Variants in POFUT3 observed in about 807,000 individuals in gnomAD.
POFUT3 encodes the protein protein O-fucosyltransferase 3, also known as GDP-fucose protein O-fucosyltransferase 3.
At chr8:33,438,914 A>G in the POFUT3 span, among the ~76,000 whole-genome samples, 1 of 152,096 alleles carries the variant, frequency 6.6e-6, no homozygotes, top group East Asian at 1.9e-4. Flanking sequence ...ATTATCTCCC[A>G]CTGGGTCTTT....
At chr8:33,436,120 G>A in the POFUT3 span, 1 of 1,204,920 alleles carries the variant, frequency 8.3e-7, no homozygotes, top group Non-Finnish European at 1.1e-6. Context: ...GGCAGGAGAG[G>A]AAAGGAAAGG....
At chr8:33,440,986 T>G in the POFUT3 span, among the ~76,000 whole-genome samples, 1 of 152,106 alleles carries the variant, frequency 6.6e-6, no homozygotes, top group Non-Finnish European at 1.5e-5. Flanking sequence ...ACAATCTAGA[T>G]AAGGTATATC....
At chr8:33,320,335 G>C in the POFUT3 span, among the ~76,000 whole-genome samples, 1 of 151,918 alleles carries the variant, frequency 6.6e-6, no homozygotes, top group Non-Finnish European at 1.5e-5. Context: ...CCAATAATTT[G>C]CAACTAGCCT....
At chr8:33,409,004 G>A in the POFUT3 span, among the ~76,000 whole-genome samples, 1 of 152,148 alleles carries the variant, frequency 6.6e-6, no homozygotes, top group African/African-American at 2.4e-5. Context: ...AAAGATTCAG[G>A]ACAGATTAAG....
At chr8:33,342,265 G>A in the POFUT3 span, among the ~76,000 whole-genome samples, 2 of 152,122 alleles carry the variant, frequency 1.3e-5, no homozygotes, top group Admixed American at 1.3e-4. Context: ...GCTGAGGCAG[G>A]AGGATCACTC....
the POFUT3 span, among the ~76,000 whole-genome samples, chr8:33,438,982 C>A: frequency 1.9e-4 from 29 of 152,138 alleles, no homozygotes; most frequent in Non-Finnish European, 3.4e-4. Flanking sequence ...GGTGGAGACA[C>A]AGTCAAACCA....
the POFUT3 span, among the ~76,000 whole-genome samples, chr8:33,381,357 C>T: frequency 2.0e-5 from 3 of 152,118 alleles, no homozygotes; most frequent in African/African-American, 7.2e-5. Context: ...TATACTTTAT[C>T]ATTCTAACTT....
At chr8:33,308,391 A>C in the POFUT3 span, among the ~76,000 whole-genome samples, 7 of 152,204 alleles carry the variant, frequency 4.6e-5, no homozygotes, top group African/African-American at 1.7e-4. Context: ...GCTAATGGTA[A>C]GAATGCAGTC....
the POFUT3 span, among the ~76,000 whole-genome samples, chr8:33,364,067 C>T: frequency 6.6e-6 from 1 of 152,148 alleles, no homozygotes. Context: ...AAAAGCTTAT[C>T]CACCATGATC....
the POFUT3 span, among the ~76,000 whole-genome samples, chr8:33,386,858 G>A: frequency 1.3e-5 from 2 of 152,260 alleles, no homozygotes; most frequent in South Asian, 2.1e-4. Context: ...CTTCCAGTTC[G>A]CAATAATTAT....
the POFUT3 span, among the ~76,000 whole-genome samples, chr8:33,411,038 G>A: frequency 6.6e-6 from 1 of 152,020 alleles, no homozygotes; most frequent in Non-Finnish European, 1.5e-5. Flanking sequence ...TTATGGTCTG[G>A]GCCATTCAGA....
chr8:33,459,434 G>A, the POFUT3 span, among the ~76,000 whole-genome samples: 1 of 152,014 alleles, frequency 6.6e-6, no homozygotes, highest in African/African-American at 2.4e-5. Flanking sequence ...GAGCTCAGGA[G>A]TTCAAGACCA....
chr8:33,381,737 G>A, the POFUT3 span, among the ~76,000 whole-genome samples: 35 of 152,248 alleles, frequency 2.3e-4, no homozygotes, highest in African/African-American at 7.5e-4. Context: ...ATACTGTGGC[G>A]GTAGTACTAA....
At chr8:33,408,763 A>C in the POFUT3 span, among the ~76,000 whole-genome samples, 2 of 152,146 alleles carry the variant, frequency 1.3e-5, no homozygotes, top group African/African-American at 4.8e-5. Context: ...CTGCAGTGAC[A>C]GAAATCAGGT....
the POFUT3 span, among the ~76,000 whole-genome samples, chr8:33,422,018 G>GAAAACA: frequency 2.8e-3 from 415 of 149,642 alleles, no homozygotes; most frequent in African/African-American, 9.2e-3. Flanking sequence ...CAACCACACA[G>GAAAACA]AAAACAAAAA....
chr8:33,311,228 C>A, the POFUT3 span, among the ~76,000 whole-genome samples: 2 of 152,188 alleles, frequency 1.3e-5, no homozygotes, highest in Non-Finnish European at 2.9e-5. Context: ...ATTTCCTGGA[C>A]AAATTGTAAT....
chr8:33,397,790 T>C, the POFUT3 span, among the ~76,000 whole-genome samples: 2 of 152,218 alleles, frequency 1.3e-5, no homozygotes, highest in Non-Finnish European at 2.9e-5. Flanking sequence ...TTCCTCACTA[T>C]GTTCCCCAGG....
chr8:33,420,131 A>AAAAT, the POFUT3 span, among the ~76,000 whole-genome samples: 2 of 152,160 alleles, frequency 1.3e-5, no homozygotes, highest in Admixed American at 6.6e-5. Context: ...CCTGTCTCAA[A>AAAAT]AAATAAATAA....
the POFUT3 span, among the ~76,000 whole-genome samples, chr8:33,355,684 A>ATTG: frequency 1.3e-5 from 2 of 151,696 alleles, no homozygotes; most frequent in East Asian, 3.9e-4. Flanking sequence ...TTTTATTATT[A>ATTG]TTATACTTTA....
Sources: allele counts gnomAD v4.1 joint callset (sites outside exome capture counted in the v4.1 genomes callset), GRCh38; gene constraint gnomAD v4.1.1; transcripts MANE v1.5; gene names NCBI Gene and HGNC (gene_info 2026-07-23, HGNC 2026-07-21).